Variants in LDLRAD3 observed in about 807,000 individuals in gnomAD.
LDLRAD3 encodes the protein low density lipoprotein receptor class A domain containing 3.
LDLRAD3 carries 20 observed loss-of-function variants against 29.4 expected under a neutral mutation model. That is an observed-to-expected ratio of 0.68 (90% CI 0.48 to 0.99). The LOEUF (loss-of-function observed/expected upper bound fraction) is 0.99, where lower values mean the gene tolerates loss of function less well. Among genes scored for constraint, LDLRAD3 ranks in the 50% least tolerant of loss-of-function variants. The pLI, the probability that LDLRAD3 is intolerant of heterozygous loss-of-function variation, is 0.00. For synonymous variants in LDLRAD3, 157 were observed against 192.7 expected, an observed-to-expected ratio of 0.81 and a Z score of 1.53; for missense variants, 420 against 454.3, an observed-to-expected ratio of 0.92 and a Z score of 0.69.
chr11:35,966,680 C>G (rs1851346128), intron 1 of LDLRAD3, among the ~76,000 whole-genome samples: 1 of 152,144 alleles, frequency 6.6e-6, no homozygotes, highest in African/African-American at 2.4e-5. Context: ...ATTAAACAAC[C>G]AGCTCAGAGA....
chr11:36,115,078 T>C (rs764689128), intron 4 of LDLRAD3, among the ~76,000 whole-genome samples: 17 of 152,178 alleles, frequency 1.1e-4, no homozygotes, highest in Non-Finnish European at 2.2e-4. Flanking sequence ...GTGAATGTGG[T>C]GCCCTGAGAC....
intron 1 of LDLRAD3, among the ~76,000 whole-genome samples, chr11:35,996,879 C>T (rs758671690): frequency 2.9e-4 from 44 of 152,168 alleles, no homozygotes; most frequent in Non-Finnish European, 4.4e-4. Flanking sequence ...ACAGTAGGTA[C>T]GATATTGCCA....
intron 2 of LDLRAD3, among the ~76,000 whole-genome samples, chr11:36,064,484 T>A (rs1852758997): frequency 6.7e-6 from 1 of 148,398 alleles, no homozygotes. Context: ...AATTAATTTT[T>A]TTTTTTTTTT....
chr11:36,046,857 T>C (rs1852457480), intron 2 of LDLRAD3, among the ~76,000 whole-genome samples: 1 of 152,168 alleles, frequency 6.6e-6, no homozygotes, highest in African/African-American at 2.4e-5. Context: ...ACCAAGTGTG[T>C]CAATAAAGCA....
chr11:35,954,067 G>A (rs536868275), intron 1 of LDLRAD3, among the ~76,000 whole-genome samples: 17 of 152,240 alleles, frequency 1.1e-4, no homozygotes, highest in Middle Eastern at 6.8e-3. Context: ...AATAAACATC[G>A]GTGGATCCTA....
At chr11:36,177,611 G>A (rs1000268815) in intron 4 of LDLRAD3, among the ~76,000 whole-genome samples, 1 of 152,226 alleles carries the variant, frequency 6.6e-6, no homozygotes, top group African/African-American at 2.4e-5. Flanking sequence ...ACCCAGTGGA[G>A]CTACTGGACT....
chr11:36,215,355 A>G (rs1339117979), intron 4 of LDLRAD3, among the ~76,000 whole-genome samples: 2 of 152,188 alleles, frequency 1.3e-5, no homozygotes, highest in East Asian at 3.8e-4. Flanking sequence ...AGTGACATGA[A>G]CAGATGAATG....
At chr11:36,130,379 G>A (rs79188934) in intron 4 of LDLRAD3, among the ~76,000 whole-genome samples, 3,406 of 152,236 alleles carry the variant, frequency 0.022, 123 homozygotes, top group African/African-American at 0.078. Flanking sequence ...ATGTGTCCAC[G>A]GGGGCTGGAA....
rs907266821 is a variant in LDLRAD3 at position 36,122,818 on chromosome 11, A to G, written c.454+24357A>G. Among the ~76,000 whole-genome samples, 8 of 152,252 alleles carry G rather than the reference A, an allele frequency of 5.3e-5. No homozygotes were observed. In the South Asian group the frequency reaches 8.3e-4, roughly 16 times the overall value. Reference sequence around the variant, plus strand: ...AGGATTGCTTAAGCCCAGGAGTTCAATACCAACCTGGGCAACATAACGAGA... The same window carrying G: ...AGGATTGCTTAAGCCCAGGAGTTCAGTACCAACCTGGGCAACATAACGAGA... On this transcript the variant is annotated intron_variant, in intron 4 of 5. Coordinates refer to ENST00000315571, the MANE Select transcript of LDLRAD3 (RefSeq NM_174902.4).
At chr11:35,955,423 A>G (rs1851189150) in intron 1 of LDLRAD3, among the ~76,000 whole-genome samples, 1 of 152,252 alleles carries the variant, frequency 6.6e-6, no homozygotes, top group African/African-American at 2.4e-5. Context: ...TGATATGAAT[A>G]CATCAACTAA....
At chr11:36,049,914 C>G (rs1347371754) in intron 2 of LDLRAD3, among the ~76,000 whole-genome samples, 1 of 152,172 alleles carries the variant, frequency 6.6e-6, no homozygotes, top group Non-Finnish European at 1.5e-5. Flanking sequence ...TATGCAGGAT[C>G]TGAAGACCAT....
chr11:35,993,800 C>T (rs1851718752), intron 1 of LDLRAD3, among the ~76,000 whole-genome samples: 1 of 152,056 alleles, frequency 6.6e-6, no homozygotes, highest in Non-Finnish European at 1.5e-5. Context: ...GACGTGTGGC[C>T]CCTTCCAGTG....
rs150073161 is a variant in LDLRAD3 at position 35,989,249 on chromosome 11, T to C, written c.46+45105T>C. Among the ~76,000 whole-genome samples the C allele has an allele frequency of 7.7e-3, 1,165 of 152,286 alleles. 40 individuals carry two copies. The highest frequency in any genetic ancestry group is 0.047 in the Admixed American group (718 of 15,296). ...GGTTTATGTGTCTGTCTTTGTACCA[T>C]TACCATGCTGTTTTGGTTCGTGTAG... On this transcript the variant is annotated intron_variant, in intron 1 of 5. Transcript: ENST00000315571.
chr11:36,126,432 G>T (rs77909832), intron 4 of LDLRAD3, among the ~76,000 whole-genome samples: 1 of 152,044 alleles, frequency 6.6e-6, no homozygotes, highest in Non-Finnish European at 1.5e-5. Flanking sequence ...TCTCTTATTG[G>T]AGAGAGTAAG....
At chr11:36,040,316 G>A (rs1165323013) in intron 2 of LDLRAD3, among the ~76,000 whole-genome samples, 1 of 151,060 alleles carries the variant, frequency 6.6e-6, no homozygotes, top group Non-Finnish European at 1.5e-5. Context: ...TTTTTTAATC[G>A]TGACGGTAAT....
intron 4 of LDLRAD3, among the ~76,000 whole-genome samples, chr11:36,113,093 G>A (rs915223809): frequency 2.6e-5 from 4 of 152,182 alleles, no homozygotes; most frequent in Non-Finnish European, 5.9e-5. Flanking sequence ...TCTTTTGAGG[G>A]ACTTTTGGGA....
At chr11:35,986,562 C>A (rs545946184) in intron 1 of LDLRAD3, among the ~76,000 whole-genome samples, 1 of 152,170 alleles carries the variant, frequency 6.6e-6, no homozygotes, top group Non-Finnish European at 1.5e-5. Flanking sequence ...ACACAAAAGC[C>A]CCTGCAGATT....
At chr11:36,132,883 T>C (rs1853946776) in intron 4 of LDLRAD3, among the ~76,000 whole-genome samples, 1 of 152,234 alleles carries the variant, frequency 6.6e-6, no homozygotes, top group African/African-American at 2.4e-5. Flanking sequence ...GGTCCTCAGC[T>C]CTGTGGCTTC....
At chr11:36,038,719 A>G (rs530103106) in intron 2 of LDLRAD3, among the ~76,000 whole-genome samples, 1 of 152,148 alleles carries the variant, frequency 6.6e-6, no homozygotes, top group Non-Finnish European at 1.5e-5. Flanking sequence ...GCTATTCTCC[A>G]TTATTTTTTT....
Sources: allele counts gnomAD v4.1 joint callset (sites outside exome capture counted in the v4.1 genomes callset), GRCh38; gene constraint gnomAD v4.1.1; transcripts MANE v1.5; gene names NCBI Gene and HGNC (gene_info 2026-07-23, HGNC 2026-07-21).